The following RUNDC3B variants were observed in gnomAD, a reference collection of about 807,000 sequenced individuals.
The protein encoded by RUNDC3B is RUN domain-containing protein 3B.
A neutral mutation model predicts 58.4 loss-of-function variants in RUNDC3B; 33 were observed. The observed-to-expected ratio is 0.56, with a 90% confidence interval of 0.43 to 0.75. RUNDC3B has a LOEUF of 0.75. Among genes scored for constraint, RUNDC3B ranks in the 30% least tolerant of loss-of-function variants. The pLI, the probability that RUNDC3B is intolerant of heterozygous loss-of-function variation, is 0.00. For missense variants in RUNDC3B, 501 were observed against 535.7 expected (o/e 0.94, Z 0.64); for synonymous variants, 193 against 195.2 (o/e 0.99, Z 0.10).
At position 87,830,092 on chromosome 7, in the gene RUNDC3B, G is replaced by T; in HGVS notation, c.*62G>T. ...AAATGTTTAATTTACATGTTTGACT[G>T]CTGGGAAGACCTTTGAAATTTTATA... On this transcript the variant is annotated 3_prime_UTR_variant, in exon 11 of 11. Transcript: ENST00000394654. 1 of 1,085,884 alleles carries T rather than the reference G, an allele frequency of 9.2e-7. No individual in the cohort carries two copies. Among genetic ancestry groups the T allele is most frequent in the African/African-American group, 1.6e-5 (1 of 61,704 alleles). The allele number at this position is 1,085,884 out of a possible 1,614,324, so 67.3% of individuals were successfully genotyped here. A position where few individuals can be genotyped will look rare whatever the true frequency, so the allele number is the denominator to read the frequency against.
chr7:87,820,597 C>T (rs1198742307), intron 10 of RUNDC3B, among the ~76,000 whole-genome samples: 1 of 151,894 alleles, frequency 6.6e-6, no homozygotes. Context: ...AAAGAGAATT[C>T]TAGACCAATA....
At position 87,637,754 on chromosome 7, in the gene RUNDC3B, C is replaced by T. The variant is rs537678390; in HGVS notation, c.122+8809C>T. Among the ~76,000 whole-genome samples the T allele has an allele frequency of 7.9e-5, 12 of 152,032 alleles. No individual in the cohort carries two copies. In the South Asian group the frequency reaches 2.5e-3, roughly 32 times the overall value. ...GATATAAATTTGACCTTTTAAAATA[C>T]TGGTCTTATATCTAACAGTCTTACC... is the stretch of plus-strand genomic sequence containing the variant. On this transcript the variant is annotated intron_variant, in intron 1 of 10. Coordinates refer to ENST00000394654, the MANE Select transcript of RUNDC3B (RefSeq NM_001134405.2).
At chr7:87,742,575 AATAGATAGATAGATAGATAG>A (rs3028187) in intron 6 of RUNDC3B, among the ~76,000 whole-genome samples, 3 of 147,734 alleles carry the variant, frequency 2.0e-5, no homozygotes, top group African/African-American at 5.0e-5. Flanking sequence ...ATCATAGATA[AATAGATAGATAGATAGATAG>A]ATAGATAGAT....
At chr7:87,817,663 C>T (rs756709039) in intron 10 of RUNDC3B, among the ~76,000 whole-genome samples, 2 of 152,164 alleles carry the variant, frequency 1.3e-5, no homozygotes, top group Non-Finnish European at 1.5e-5. Flanking sequence ...CTTTCACTGA[C>T]TGCCATACTG....
intron 2 of RUNDC3B, among the ~76,000 whole-genome samples, chr7:87,666,589 C>G (rs1014035172): frequency 8.6e-5 from 13 of 151,770 alleles, no homozygotes; most frequent in Admixed American, 7.9e-4. Context: ...ATGGTATTTC[C>G]TATGTAAACT....
intron 8 of RUNDC3B, among the ~76,000 whole-genome samples, chr7:87,783,179 A>G (rs542227933): frequency 7.4e-5 from 11 of 148,792 alleles, no homozygotes; most frequent in Non-Finnish European, 1.1e-4. Flanking sequence ...GTGTTTGTGT[A>G]TGTGTGTGTG....
At chr7:87,729,572 C>T (rs1831456906) in intron 4 of RUNDC3B, among the ~76,000 whole-genome samples, 1 of 152,110 alleles carries the variant, frequency 6.6e-6, no homozygotes, top group Non-Finnish European at 1.5e-5. Flanking sequence ...GTGGTAGGAG[C>T]CTGAGTTCAG....
intron 3 of RUNDC3B, among the ~76,000 whole-genome samples, chr7:87,707,851 A>T (rs1444130890): frequency 6.6e-6 from 1 of 152,158 alleles, no homozygotes; most frequent in Non-Finnish European, 1.5e-5. Flanking sequence ...CAGTGGAATT[A>T]AGCTAGAATC....
intron 2 of RUNDC3B, among the ~76,000 whole-genome samples, chr7:87,699,435 G>T (rs1828809293): frequency 6.6e-6 from 1 of 151,964 alleles, no homozygotes; most frequent in Non-Finnish European, 1.5e-5. Flanking sequence ...ACAGAGTCCT[G>T]CTCTGTCACT....
In RUNDC3B at chr7:87,829,953, C is replaced by CT. The variant is rs1345697372; in HGVS notation, c.1295dup (p.Thr433AsnfsTer6). ...AACGTCAGTGGCAAGTTACAAGTCT[C>CT]TAACAAGCTTAAAATCTAATGACTA... On this transcript the variant is annotated frameshift_variant, in exon 11 of 11. Transcript: ENST00000394654. LOFTEE classifies it high-confidence loss of function. 1 of 1,609,388 alleles carries CT rather than the reference C, an allele frequency of 6.2e-7. No individual in the cohort carries two copies.
At chr7:87,715,357 A>C (rs1830481869) in intron 4 of RUNDC3B, among the ~76,000 whole-genome samples, 1 of 118,580 alleles carries the variant, frequency 8.4e-6, no homozygotes, top group Non-Finnish European at 1.6e-5. Context: ...AATTATATAT[A>C]ATTAATTTAT....
chr7:87,648,028 A>G (rs1823194454), intron 1 of RUNDC3B, among the ~76,000 whole-genome samples: 1 of 151,922 alleles, frequency 6.6e-6, no homozygotes, highest in Non-Finnish European at 1.5e-5. Flanking sequence ...ACTAAAAAAT[A>G]CAAAAAATTA....
At chr7:87,690,410 T>C (rs2130641879) in intron 2 of RUNDC3B, among the ~76,000 whole-genome samples, 1 of 152,284 alleles carries the variant, frequency 6.6e-6, no homozygotes, top group African/African-American at 2.4e-5. Flanking sequence ...ATTAGCACAA[T>C]TTAGGTACTC....
chr7:87,711,794 C>G (rs188428183), intron 4 of RUNDC3B, among the ~76,000 whole-genome samples: 1 of 152,262 alleles, frequency 6.6e-6, no homozygotes, highest in Non-Finnish European at 1.5e-5. Context: ...AGAGTGTTTT[C>G]CTCATCACAG....
intron 2 of RUNDC3B, among the ~76,000 whole-genome samples, chr7:87,681,247 C>A (rs1456871479): frequency 6.6e-6 from 1 of 150,568 alleles, no homozygotes; most frequent in Non-Finnish European, 1.5e-5. Flanking sequence ...TTGATTGCAA[C>A]CAGCCATTAA....
At chr7:87,810,024 A>G (rs1836627439) in intron 9 of RUNDC3B, among the ~76,000 whole-genome samples, 1 of 152,110 alleles carries the variant, frequency 6.6e-6, no homozygotes, top group African/African-American at 2.4e-5. Flanking sequence ...GGAGAAAGAA[A>G]CTGACCCTAT....
intron 8 of RUNDC3B, among the ~76,000 whole-genome samples, chr7:87,800,113 G>T (rs979255868): frequency 2.0e-5 from 3 of 152,034 alleles, no homozygotes; most frequent in African/African-American, 7.2e-5. Context: ...GGAATATTTG[G>T]AACCACAGAT....
At chr7:87,737,678 A>G (rs1411409985) in intron 4 of RUNDC3B, among the ~76,000 whole-genome samples, 1 of 152,072 alleles carries the variant, frequency 6.6e-6, no homozygotes, top group Non-Finnish European at 1.5e-5. Flanking sequence ...TTCAGCATAT[A>G]ATGGGCAATC....
intron 8 of RUNDC3B, among the ~76,000 whole-genome samples, chr7:87,784,447 A>T (rs967762840): frequency 1.3e-5 from 2 of 151,178 alleles, no homozygotes; most frequent in African/African-American, 2.4e-5. Flanking sequence ...TGTTGTGTAT[A>T]GTTGGTTGGC....
Sources: allele counts gnomAD v4.1 joint callset (sites outside exome capture counted in the v4.1 genomes callset), GRCh38; gene constraint gnomAD v4.1.1; transcripts MANE v1.5; gene names NCBI Gene and HGNC (gene_info 2026-07-23, HGNC 2026-07-21).